PGAP6: variants seen among roughly 807,000 people sequenced by gnomAD.
The protein encoded by PGAP6 is post-GPI attachment to proteins 6.
PGAP6 carries 62 observed loss-of-function variants against 68.4 expected under a neutral mutation model. The observed-to-expected ratio is 0.91, with a 90% CI of 0.74 to 1.12. PGAP6 has a LOEUF of 1.12. PGAP6 is among the 50% of genes most tolerant of loss of function. PGAP6 has a pLI of 0.00. For synonymous variants in PGAP6, 575 were observed against 474.0 expected (o/e 1.21, Z -2.77); for missense variants, 1,188 against 1,068.5 (o/e 1.11, Z -1.56).
Position 377,086 on chromosome 16 carries a change from G to C in PGAP6, c.586C>G (p.Pro196Ala), listed in dbSNP as rs1335594890. The C allele has an allele frequency of 6.2e-7, 1 of 1,613,526 alleles. No individual in the cohort carries two copies. Residue 196 changes from proline (P) to alanine (A), a missense_variant, in exon 4 of 13, where the codon CCG becomes GCG. By Grantham distance (27) the Pro-to-Ala change is conservative (BLOSUM62 -1). Transcript: ENST00000431232. ...TRVVEISIME[P>A]DVPLPQTLLS... ...AGGGTCTGAGGAAGGGGCACGTCCGGCTCCATGATGGAAATCTCGACCACC... is the reference window on the plus strand; with the variant it reads ...AGGGTCTGAGGAAGGGGCACGTCCGCCTCCATGATGGAAATCTCGACCACC...
In PGAP6 at chr16:376,565, T is replaced by C; in HGVS notation, c.883A>G (p.Ser295Gly). The change falls in exon 5 of 13, where the codon AGT (serine) becomes GGT (glycine). Residue 295 changes from serine (S) to glycine (G), a missense_variant. Coordinates refer to ENST00000431232, the MANE Select transcript of PGAP6 (RefSeq NM_021259.3). Reference protein sequence around the residue: ...LVGPLGTVAFSAVAALTACRP... With the variant: ...LVGPLGTVAFGAVAALTACRP... ...CCACCTGTGAGGGCAGCTACAGCAC[T>C]GAAAGCCACTGTCCCGAGGGGCCCC... 1 of 1,555,570 alleles carries C rather than the reference T, an allele frequency of 6.4e-7. No homozygotes were observed. Among genetic ancestry groups the C allele is most frequent in the South Asian group, 1.2e-5 (1 of 81,580 alleles).
Position 371,781 on chromosome 16 carries a change from G to A in PGAP6, c.*206C>T, listed in dbSNP as rs886968588. The A allele has an allele frequency of 5.1e-6, 3 of 582,860 alleles. No homozygotes were observed. Among genetic ancestry groups the A allele is most frequent in the South Asian group, 4.0e-5 (2 of 50,038 alleles). The allele number at this position is 582,860 out of a possible 1,614,324, so 36.1% of individuals were successfully genotyped here. On this transcript the variant is annotated 3_prime_UTR_variant, in exon 13 of 13. Transcript: ENST00000431232. ...AGACAGCAGCTGGGATCTGCAGAGG[G>A]ATCTCAGCAGCGAGCAGGCAGCTGG...
intron 7 of PGAP6, 42 bp downstream of exon 7, chr16:375,303 G>C (rs184327466): frequency 6.2e-6 from 10 of 1,612,578 alleles, no homozygotes; most frequent in East Asian, 2.2e-5. Context: ...GGGGCGGGGG[G>C]CTGGCCGGGG....
At chr16:384,966 C>T (rs2054471940), upstream of PGAP6, among the ~76,000 whole-genome samples, 1 of 151,878 alleles carries the variant, frequency 6.6e-6, no homozygotes, top group Non-Finnish European at 1.5e-5. Context: ...AGTTTAAGAT[C>T]AGCCTGGCCA....
chr16:372,712 C>A lies in PGAP6; in HGVS notation c.1918G>T (p.Gly640Cys). Residue 640 changes from glycine to cysteine, a missense_variant, in exon 12 of 13, where the codon GGT becomes TGT. Physicochemically the swap from Gly to Cys is radical, Grantham distance 159 (BLOSUM62 -3). Coordinates refer to ENST00000431232, the MANE Select transcript of PGAP6 (RefSeq NM_021259.3). ...AAGGACATGGCGATGACCAGTGTACCCAGAAGAAACAGCACCTGCGCAAGA... is the reference window on the plus strand; with the variant it reads ...AAGGACATGGCGATGACCAGTGTACACAGAAGAAACAGCACCTGCGCAAGA... ...TVLKYVLFLL[G>C]TLVIAMSLQL... 1 of 1,610,458 alleles carries A rather than the reference C, an allele frequency of 6.2e-7. No individual in the cohort carries two copies. Among genetic ancestry groups the A allele is most frequent in the Non-Finnish European group, 8.5e-7 (1 of 1,178,478 alleles).
Position 374,067 on chromosome 16 carries a change from A to C in PGAP6, c.1840T>G (p.Ser614Ala). The change falls in exon 11 of 13, where the codon TCC becomes GCC. Residue 614 changes from serine to alanine, a missense_variant. Transcript: ENST00000431232. ...DTLQYCDFLG[S>A]GAAIWVTILC... ...ATGGTGACCCAGATGGCCGCCCCGG[A>C]GCCCAAGAAGTCGCAGTACTGCAGC... 6.2e-7 allele frequency: 1 copy of C among 1,612,050 alleles called. No homozygotes were observed. The highest frequency in any genetic ancestry group is 8.5e-7 in the Non-Finnish European group (1 of 1,179,948).
rs1039092232 is a variant in PGAP6 at position 375,215 on chromosome 16, G to A, written c.1357C>T (p.Arg453Cys). ...GYPLSLSAWS[R>C]RANLIIPYPE... ...TAGGGGATGATGAGGTTGGCCCTGC[G>A]AGACCAGGCGCTCAGAGACAAAGGG... Residue 453 changes from arginine (R) to cysteine (C), a missense_variant, in exon 8 of 13, where the codon CGC becomes TGC. Arg to Cys is a radical substitution (Grantham distance 180). Transcript: ENST00000431232. 40 of 1,613,326 alleles carry A rather than the reference G, an allele frequency of 2.5e-5. No individual in the cohort carries two copies. The highest frequency in any genetic ancestry group is 1.8e-4 in the Admixed American group (11 of 60,022).
chr16:378,775 T>C (rs1385541054), intron 1 of PGAP6, among the ~76,000 whole-genome samples: 2 of 152,184 alleles, frequency 1.3e-5, no homozygotes, highest in African/African-American at 4.8e-5. Context: ...AGGGAGATAC[T>C]GCATGTGGGA....
At chr16:381,990 G>A (rs2054444324), upstream of PGAP6, 2 of 946,526 alleles carry the variant, frequency 2.1e-6, no homozygotes, top group Non-Finnish European at 2.5e-6. Flanking sequence ...CCGCCCGCAG[G>A]CCCCGCCCCG....
intron 1 of PGAP6, among the ~76,000 whole-genome samples, chr16:381,228 G>A (rs1299419535): frequency 1.3e-5 from 2 of 152,200 alleles, no homozygotes; most frequent in African/African-American, 4.8e-5. Context: ...AGGGCTGGGG[G>A]TCACTGCGGA....
chr16:386,021 C>T (rs951782988), upstream of PGAP6, among the ~76,000 whole-genome samples: 18 of 152,046 alleles, frequency 1.2e-4, no homozygotes, highest in African/African-American at 1.4e-4. Flanking sequence ...ATAACAGGGA[C>T]GCATCGTATT....
At position 374,756 on chromosome 16, in the gene PGAP6, C is replaced by A. The variant is rs2141758171; in HGVS notation, c.1576G>T (p.Gly526Cys). 2 of 1,612,498 alleles carry A rather than the reference C, an allele frequency of 1.2e-6. No homozygotes were observed. Among genetic ancestry groups the A allele is most frequent in the African/African-American group, 2.7e-5 (2 of 75,048 alleles). ...YLYASCSCKA[G>C]WRGWSCTDNS... ...GGGCGGGCGGGGCCCTGGCACTCAC[C>A]TGCCTTGCAGCTGCAGCTGGCATAC... The change falls in exon 9 of 13, where the codon GGC (glycine) becomes TGC (cysteine). Residue 526 changes from glycine (G) to cysteine (C), a missense_variant and splice_region_variant. Physicochemically the swap from Gly to Cys is radical, Grantham distance 159. Transcript: ENST00000431232.
Position 376,619 on chromosome 16 carries a change from A to G in PGAP6, c.829T>C (p.Trp277Arg), listed in dbSNP as rs1015385138. 1.3e-6 allele frequency: 2 copies of G among 1,597,448 alleles called. No individual in the cohort carries two copies. The highest frequency in any genetic ancestry group is 1.7e-6 in the Non-Finnish European group (2 of 1,171,522). ...AGGCTCTCAGCTGTCACTTGCAGCC[A>G]CCGGTCCCAGGGCGGTGAGGGCAGC... ...LLLPSPPWDR[W>R]LQVTAESLVG... Residue 277 changes from tryptophan to arginine, a missense_variant, in exon 5 of 13, where the codon TGG becomes CGG. Transcript: ENST00000431232.
chr16:375,388 G>A lies in PGAP6; in HGVS notation c.1272C>T (p.Ala424=). The A allele has an allele frequency of 2.5e-6, 4 of 1,612,990 alleles. No homozygotes were observed. The highest frequency in any genetic ancestry group is 3.4e-6 in the Non-Finnish European group (4 of 1,179,966). Residue 424 remains alanine (A), a synonymous_variant, in exon 7 of 13, where the codon GCC becomes GCT. Coordinates refer to ENST00000431232, the MANE Select transcript of PGAP6 (RefSeq NM_021259.3). ...ETVVVACVNA[A]SPFLGFNTSL... Reference sequence around the variant, plus strand: ...AAGTATTGAAGCCAAGGAAGGGCGAGGCAGCATTCACGCAGGCCACTACGA... The same window carrying A: ...AAGTATTGAAGCCAAGGAAGGGCGAAGCAGCATTCACGCAGGCCACTACGA...
In PGAP6 at chr16:377,792, T is replaced by A. The variant is rs1178126618; in HGVS notation, c.178A>T (p.Ser60Cys). The change falls in exon 2 of 13, where the codon AGC becomes TGC. Residue 60 changes from serine to cysteine, a missense_variant. By Grantham distance (112) the Ser-to-Cys change is moderately radical. Coordinates refer to ENST00000431232, the MANE Select transcript of PGAP6 (RefSeq NM_021259.3). ...AAGAGCCTGGCACTGCCGTACCAGC[T>A]GTAGAAGGACAGCCTCTGCGGGGCC... ...SQAPQRLSFYSWYGSARLFRF... is the reference protein window; with the variant it reads ...SQAPQRLSFYCWYGSARLFRF... 1.3e-6 allele frequency: 2 copies of A among 1,578,796 alleles called. No individual in the cohort carries two copies. The highest frequency in any genetic ancestry group is 1.7e-6 in the Non-Finnish European group (2 of 1,162,898).
At chr16:376,924 G>C in intron 4 of PGAP6, 112 bp from the exon 5 acceptor site, 1 of 1,559,386 alleles carries the variant, frequency 6.4e-7, no homozygotes, top group South Asian at 1.2e-5. Flanking sequence ...CAGGCATCTG[G>C]ACCACTTCCC....
Position 374,311 on chromosome 16 carries a change from G to A in PGAP6, c.1665C>T (p.Asn555=). ...RAATLLLTLS[N]LMFLAPIAVS... is the part of the protein sequence containing the mutation. ...CGGCGATGGGGGCCAGGAACATGAG[G>A]TTGCTGAGCGTGAGCAGCAGTGTGG... The change falls in exon 10 of 13, where the codon AAC becomes AAT. Residue 555 remains asparagine, a synonymous_variant. Coordinates refer to ENST00000431232, the MANE Select transcript of PGAP6 (RefSeq NM_021259.3). 3 of 1,605,794 alleles carry A rather than the reference G, an allele frequency of 1.9e-6. No individual in the cohort carries two copies. The highest frequency in any genetic ancestry group is 1.7e-4 in the Middle Eastern group (1 of 5,884).
At chr16:373,655 T>C (rs1014937464) in intron 11 of PGAP6, among the ~76,000 whole-genome samples, 2 of 152,250 alleles carry the variant, frequency 1.3e-5, no homozygotes, top group African/African-American at 4.8e-5. Flanking sequence ...TCCTCCCACC[T>C]TAGTCTCCCG....
At position 377,532 on chromosome 16, in the gene PGAP6, G is replaced by A. The variant is rs529121375; in HGVS notation, c.353C>T (p.Pro118Leu). Residue 118 changes from proline to leucine, a missense_variant, in exon 3 of 13, where the codon CCG becomes CTG. Pro to Leu is a moderately conservative substitution (Grantham distance 98). Coordinates refer to ENST00000431232, the MANE Select transcript of PGAP6 (RefSeq NM_021259.3). ...GGAGGGCTGTACCGCGGTGTCGTCCGGGAAGCTGGTGCCCAGCGGGTTGAT... is the reference window on the plus strand; with the variant it reads ...GGAGGGCTGTACCGCGGTGTCGTCCAGGAAGCTGGTGCCCAGCGGGTTGAT... ...PVINPLGTSFPDDTAVQPSFQ... is the reference protein window; with the variant it reads ...PVINPLGTSFLDDTAVQPSFQ... 1.0e-5 allele frequency: 16 copies of A among 1,592,520 alleles called. No individual in the cohort carries two copies. Among genetic ancestry groups the A allele is most frequent in the African/African-American group, 4.0e-5 (3 of 74,650 alleles).
Sources: allele counts gnomAD v4.1 joint callset (sites outside exome capture counted in the v4.1 genomes callset), GRCh38; gene constraint gnomAD v4.1.1; transcripts MANE v1.5; gene names NCBI Gene and HGNC (gene_info 2026-07-23, HGNC 2026-07-21).